The following PDE4D variants were observed in gnomAD, a reference collection of about 807,000 sequenced individuals.
PDE4D encodes phosphodiesterase 4D, also known as 3',5'-cyclic-AMP phosphodiesterase 4D.
In PDE4D, 24 loss-of-function variants were observed where a neutral mutation model predicts 87.4. The observed-to-expected ratio is 0.27, with a 90% confidence interval of 0.20 to 0.39. PDE4D has a LOEUF of 0.39. PDE4D is among the 10% of genes least tolerant of loss of function. The pLI is 1.00. For missense variants in PDE4D, 714 were observed against 1,041.0 expected (o/e 0.69, Z 4.32); for synonymous variants, 384 against 383.2 (o/e 1.00, Z -0.02).
intron 1 of PDE4D, among the ~76,000 whole-genome samples, chr5:59,615,880 T>C (rs984457322): frequency 5.9e-5 from 9 of 152,148 alleles, no homozygotes; most frequent in African/African-American, 1.7e-4. Context: ...TTTCTATCTA[T>C]TTAGTGAATT....
At chr5:59,254,501 T>C (rs183086176) in intron 1 of PDE4D, among the ~76,000 whole-genome samples, 1 of 152,100 alleles carries the variant, frequency 6.6e-6, no homozygotes, top group East Asian at 1.9e-4. Context: ...AGAAGAGTGC[T>C]TGTACAGCAC....
chr5:60,467,853 C>A (rs1240814844), intron 1 of PDE4D, among the ~76,000 whole-genome samples: 5 of 152,118 alleles, frequency 3.3e-5, no homozygotes, highest in Admixed American at 1.3e-4. Context: ...TTTAAATACT[C>A]AGATCTCGTG....
At chr5:59,329,173 A>C (rs1236988398) in intron 1 of PDE4D, among the ~76,000 whole-genome samples, 7 of 152,166 alleles carry the variant, frequency 4.6e-5, no homozygotes, top group African/African-American at 1.7e-4. Flanking sequence ...GCTTCATTCC[A>C]TTGATGGATT....
chr5:60,460,830 A>G (rs1746874269), intron 1 of PDE4D: 1 of 492,752 alleles, frequency 2.0e-6, no homozygotes, highest in Admixed American at 3.6e-5. Flanking sequence ...ATTGGTTAAA[A>G]TTGAGCAATA....
intron 1 of PDE4D, among the ~76,000 whole-genome samples, chr5:60,472,033 C>T (rs1157334353): frequency 6.6e-6 from 1 of 152,010 alleles, no homozygotes; most frequent in Admixed American, 6.6e-5. Flanking sequence ...CCATGTAACA[C>T]CTGAGTCCCA....
rs187740039 is a variant in PDE4D at position 59,469,130 on chromosome 5, G to A, written c.456-253162C>T. Among the ~76,000 whole-genome samples, 23 of 152,056 alleles carry A rather than the reference G, an allele frequency of 1.5e-4. No homozygotes were observed. In the East Asian group the frequency reaches 2.1e-3, roughly 14 times the overall value. On this transcript the variant is annotated intron_variant, in intron 1 of 14. Transcript: ENST00000340635. Reference sequence around the variant, plus strand: ...ATCACGAGGTCAGGAGATCGAGACCGTCCTGGCTAACACAGTGAAACTCTG... The same window carrying A: ...ATCACGAGGTCAGGAGATCGAGACCATCCTGGCTAACACAGTGAAACTCTG...
chr5:59,693,199 T>C (rs1010534163), intron 1 of PDE4D, among the ~76,000 whole-genome samples: 2 of 151,734 alleles, frequency 1.3e-5, no homozygotes, highest in Non-Finnish European at 2.9e-5. Flanking sequence ...AAAAAATATA[T>C]AAATAAAATA....
At chr5:59,273,831 A>C (rs538652517) in intron 1 of PDE4D, among the ~76,000 whole-genome samples, 45 of 152,294 alleles carry the variant, frequency 3.0e-4, no homozygotes, top group African/African-American at 7.7e-4. Flanking sequence ...ATAAAAATAG[A>C]CTATGATAAT....
intron 2 of PDE4D, among the ~76,000 whole-genome samples, chr5:60,142,319 C>A (rs1001737705): frequency 2.6e-5 from 4 of 152,218 alleles, no homozygotes; most frequent in Admixed American, 6.5e-5. Flanking sequence ...ATGCTTTGTA[C>A]ACACATAATC....
At chr5:59,394,785 A>G (rs1788999090) in intron 1 of PDE4D, among the ~76,000 whole-genome samples, 1 of 152,164 alleles carries the variant, frequency 6.6e-6, no homozygotes, top group African/African-American at 2.4e-5. Context: ...AGCGACGCAG[A>G]AGACAGGTGA....
chr5:60,338,580 T>C (rs1043044456), intron 1 of PDE4D, among the ~76,000 whole-genome samples: 3 of 152,118 alleles, frequency 2.0e-5, no homozygotes, highest in Non-Finnish European at 4.4e-5. Flanking sequence ...CAAGGTTCCA[T>C]ACACACGACA....
At chr5:59,608,980 G>A (rs184261157) in intron 1 of PDE4D, among the ~76,000 whole-genome samples, 19 of 152,210 alleles carry the variant, frequency 1.2e-4, no homozygotes. Flanking sequence ...ATGGCAAGGA[G>A]TTGAGGCTTT....
intron 1 of PDE4D, among the ~76,000 whole-genome samples, chr5:59,587,908 G>C (rs1209354796): frequency 6.6e-6 from 1 of 151,368 alleles, no homozygotes; most frequent in Non-Finnish European, 1.5e-5. Flanking sequence ...TTGTTTGCTC[G>C]TTTTCCTTCT....
At chr5:59,975,327 T>C (rs1002196933) in intron 3 of PDE4D, among the ~76,000 whole-genome samples, 3 of 152,204 alleles carry the variant, frequency 2.0e-5, no homozygotes, top group Non-Finnish European at 4.4e-5. Context: ...CTGACACCCT[T>C]CTATGTCTTG....
At chr5:59,618,319 G>A (rs910225817) in intron 1 of PDE4D, among the ~76,000 whole-genome samples, 8 of 152,128 alleles carry the variant, frequency 5.3e-5, no homozygotes, top group Admixed American at 5.2e-4. Context: ...GAAGATGTAA[G>A]ACCTGAGCCA....
chr5:59,584,984 T>C (rs1262290585), intron 1 of PDE4D, among the ~76,000 whole-genome samples: 1 of 152,160 alleles, frequency 6.6e-6, no homozygotes, highest in East Asian at 1.9e-4. Context: ...TTATTGCTGA[T>C]GCCTGACCCT....
At chr5:59,566,877 G>GA (rs11338647) in intron 1 of PDE4D, among the ~76,000 whole-genome samples, 5 of 150,656 alleles carry the variant, frequency 3.3e-5, no homozygotes, top group African/African-American at 4.9e-5. Context: ...TCTGGACTAA[G>GA]AAAAAAAAAA....
At position 59,893,498 on chromosome 5, in the gene PDE4D, G is replaced by C. The variant is rs372946517; in HGVS notation, c.125C>G (p.Pro42Arg). 1 of 1,540,848 alleles carries C rather than the reference G, an allele frequency of 6.5e-7. No homozygotes were observed. The highest frequency in any genetic ancestry group is 8.8e-7 in the Non-Finnish European group (1 of 1,142,616). ...GAGGCGGAACTGGGGCTGCCGGAGC[G>C]GGTACTGGTGGTGCTGCTCGTGCCT... ...LWRHEQHHQYPLRQPQFRLLH... is the reference protein window; with the variant it reads ...LWRHEQHHQYRLRQPQFRLLH... The change falls in exon 1 of 15, where the codon CCG becomes CGG. Residue 42 changes from proline (P) to arginine (R), a missense_variant. Physicochemically the swap from Pro to Arg is moderately radical, Grantham distance 103. Coordinates refer to ENST00000340635, the MANE Select transcript of PDE4D (RefSeq NM_001104631.2).
intron 1 of PDE4D, among the ~76,000 whole-genome samples, chr5:59,626,005 A>G (rs537267528): frequency 3.9e-5 from 6 of 152,250 alleles, no homozygotes; most frequent in African/African-American, 9.6e-5. Context: ...GGAGAATGGC[A>G]TGAACCCAGG....
Sources: gnomAD v4.1 joint callset for allele counts (sites outside exome capture counted in the v4.1 genomes callset) on GRCh38, gnomAD v4.1.1 for gene constraint, MANE v1.5 for transcripts, NCBI Gene and HGNC (gene_info 2026-07-23, HGNC 2026-07-21) for gene names.